Variants in PARP8 observed in about 807,000 individuals in gnomAD.
PARP8 encodes the protein poly(ADP-ribose) polymerase family member 8, also known as protein mono-ADP-ribosyltransferase PARP8.
A neutral mutation model predicts 124.1 loss-of-function variants in PARP8; 51 were observed. The ratio of observed to expected loss-of-function variants is 0.41; its 90% CI spans 0.33 to 0.52. The LOEUF is 0.52. PARP8 is among the 20% of genes least tolerant of loss of function. The probability of loss-of-function intolerance (pLI) is 0.21; values close to 1 mark genes in which losing one functional copy is unlikely to be tolerated. For missense variants in PARP8, 860 were observed against 1,018.9 expected, an observed-to-expected ratio of 0.84 and a Z score of 2.12; for synonymous variants, 391 against 361.5, an observed-to-expected ratio of 1.08 and a Z score of -0.93.
intron 24 of PARP8, 75 bp downstream of exon 24, chr5:50,834,123 C>T: frequency 8.2e-7 from 1 of 1,213,140 alleles, no homozygotes; most frequent in Non-Finnish European, 1.2e-6. Flanking sequence ...AGTATATTTA[C>T]AGAGTGCTTA....
intron 7 of PARP8, among the ~76,000 whole-genome samples, chr5:50,765,278 G>A (rs919591386): frequency 1.4e-4 from 21 of 151,792 alleles, no homozygotes; most frequent in African/African-American, 5.1e-4. Flanking sequence ...AAAAAAGAAA[G>A]AAATATTTTT....
intron 2 of PARP8, among the ~76,000 whole-genome samples, chr5:50,715,976 C>A (rs1334822410): frequency 1.3e-5 from 2 of 151,988 alleles, no homozygotes; most frequent in Non-Finnish European, 2.9e-5. Context: ...TCTTTAACTC[C>A]CACTTGGACA....
In PARP8 at chr5:50,832,969, CTTA is replaced by C. The variant is rs2149720058; in HGVS notation, c.2307+117_2307+119del. 3 of 847,748 alleles carry C rather than the reference CTTA, an allele frequency of 3.5e-6. No homozygotes were observed. The South Asian group carries it at 4.9e-5, about 14-fold the overall frequency. 52.5% of individuals were successfully genotyped at this position (847,748 alleles called of 1,614,324 possible). On this transcript the variant is annotated intron_variant, in intron 23 of 25. Coordinates refer to ENST00000281631, the MANE Select transcript of PARP8 (RefSeq NM_024615.4). ...GAAAAATTATTTAATGTGGTCATTA[CTTA>C]TAAAGGAATAAAACTCACTCTGAAA...
Position 50,750,327 on chromosome 5 carries a change from TC to T in PARP8, c.184+140del, listed in dbSNP as rs1281738114. The T allele has an allele frequency of 8.9e-6, 6 of 675,426 alleles. No homozygotes were observed. The South Asian group carries it at 1.1e-4, about 12-fold the overall frequency. 41.8% of individuals were successfully genotyped at this position (675,426 alleles called of 1,614,324 possible). On this transcript the variant is annotated intron_variant, in intron 3 of 25. Transcript: ENST00000281631. ...GGAAGCCTTAAAGCTATAGAAGAAT[TC>T]TGCTTACTGCCTGCAAAGTACATGT... is the stretch of plus-strand genomic sequence containing the variant.
chr5:50,675,585 G>A (rs1304823189), intron 2 of PARP8, among the ~76,000 whole-genome samples: 1 of 152,188 alleles, frequency 6.6e-6, no homozygotes, highest in East Asian at 1.9e-4. Flanking sequence ...TTGGGATTAC[G>A]GGCGTGAGCC....
intron 22 of PARP8, 45 bp downstream of exon 22, chr5:50,830,006 A>C (rs1411326284): frequency 1.3e-6 from 2 of 1,589,630 alleles, no homozygotes; most frequent in Non-Finnish European, 1.7e-6. Flanking sequence ...ATTAGGTTTT[A>C]ATTTTCTTAT....
In PARP8 at chr5:50,666,975, T is replaced by C; in HGVS notation, c.-121T>C. 1 of 1,398,386 alleles carries C rather than the reference T, an allele frequency of 7.2e-7. No homozygotes were observed. The highest frequency in any genetic ancestry group is 9.4e-7 in the Non-Finnish European group (1 of 1,060,214). 86.6% of individuals were successfully genotyped at this position (1,398,386 alleles called of 1,614,324 possible). On this transcript the variant is annotated 5_prime_UTR_variant, in exon 1 of 26. Coordinates refer to ENST00000281631, the MANE Select transcript of PARP8 (RefSeq NM_024615.4). ...GGATCACTTCCGAAACCACTTCGCC[T>C]TCAGCCCCTGCCTCGGCCAGAGGTT...
At chr5:50,795,472 T>G in intron 12 of PARP8, 55 bp downstream of exon 12, 1 of 1,286,354 alleles carries the variant, frequency 7.8e-7, no homozygotes, top group Non-Finnish European at 1.0e-6. Context: ...TGCAGTAGAA[T>G]TTTTTTTTTC....
At chr5:50,765,000 G>A (rs1760918872) in intron 7 of PARP8, among the ~76,000 whole-genome samples, 1 of 151,678 alleles carries the variant, frequency 6.6e-6, no homozygotes, top group Non-Finnish European at 1.5e-5. Context: ...GGTGGCTCAT[G>A]CCTGTAATCC....
At chr5:50,723,675 T>A (rs566390551) in intron 2 of PARP8, among the ~76,000 whole-genome samples, 1 of 152,134 alleles carries the variant, frequency 6.6e-6, no homozygotes, top group East Asian at 1.9e-4. Flanking sequence ...AGAAAGAACA[T>A]CAAAAGACAA....
At chr5:50,777,029 G>A (rs1740109209) in intron 7 of PARP8, among the ~76,000 whole-genome samples, 1 of 152,132 alleles carries the variant, frequency 6.6e-6, no homozygotes, top group Non-Finnish European at 1.5e-5. Flanking sequence ...GCTGTGATGA[G>A]GACCTAATGA....
chr5:50,706,352 T>A (rs1220330435), intron 2 of PARP8, among the ~76,000 whole-genome samples: 1 of 152,096 alleles, frequency 6.6e-6, no homozygotes, highest in Non-Finnish European at 1.5e-5. Context: ...GTTTTTCAGA[T>A]GGCTGGTTTT....
In PARP8 at chr5:50,761,810, A is replaced by G; in HGVS notation, c.346-11A>G. 1 of 1,524,760 alleles carries G rather than the reference A, an allele frequency of 6.6e-7. No individual in the cohort carries two copies. The highest frequency in any genetic ancestry group is 2.0e-5 in the Admixed American group (1 of 50,590). The allele number at this position is 1,524,760 out of a possible 1,614,324, so 94.5% of individuals were successfully genotyped here. On this transcript the variant is annotated splice_polypyrimidine_tract_variant and intron_variant, in intron 5 of 25. Coordinates refer to ENST00000281631, the MANE Select transcript of PARP8 (RefSeq NM_024615.4). Reference sequence around the variant, plus strand: ...GACCATTAAATTGTTTTCTTACTTTATTATTTTAAGGAATCAAGACAGAAT... The same window carrying G: ...GACCATTAAATTGTTTTCTTACTTTGTTATTTTAAGGAATCAAGACAGAAT...
chr5:50,790,684 T>A (rs1240870974), intron 10 of PARP8, among the ~76,000 whole-genome samples: 5 of 152,158 alleles, frequency 3.3e-5, no homozygotes, highest in Non-Finnish European at 7.4e-5. Flanking sequence ...GCAAAAGAAA[T>A]CATGTATATA....
At chr5:50,764,744 A>G in intron 7 of PARP8, among the ~76,000 whole-genome samples, 1 of 152,112 alleles carries the variant, frequency 6.6e-6, no homozygotes, top group East Asian at 1.9e-4. Flanking sequence ...TAAGTGTTAT[A>G]GAATGCATAT....
Position 50,844,309 on chromosome 5 carries a change from T to TC in PARP8, c.*2242dup, listed in dbSNP as rs1244115323. On this transcript the variant is annotated 3_prime_UTR_variant, in exon 26 of 26. Coordinates refer to ENST00000281631, the MANE Select transcript of PARP8 (RefSeq NM_024615.4). The stretch of plus-strand genomic sequence containing the variant: ...ACAGATTTTGTTTCAAACAATTGCG[T>TC]CAGAACCTTTGTAAGCAAATATTCT... The TC allele has an allele frequency of 6.6e-6, 1 of 151,848 alleles. No individual in the cohort carries two copies. Among genetic ancestry groups the TC allele is most frequent in the Non-Finnish European group, 1.5e-5 (1 of 67,828 alleles). 9.4% of individuals were successfully genotyped at this position (151,848 alleles called of 1,614,324 possible).
intron 2 of PARP8, among the ~76,000 whole-genome samples, chr5:50,680,421 T>C (rs1011013092): frequency 3.3e-5 from 5 of 152,314 alleles, no homozygotes; most frequent in Admixed American, 3.3e-4. Flanking sequence ...CTGTTTACTG[T>C]CTATTTGTCT....
At chr5:50,761,493 A>T (rs1258512425) in intron 5 of PARP8, among the ~76,000 whole-genome samples, 1 of 152,074 alleles carries the variant, frequency 6.6e-6, no homozygotes, top group Non-Finnish European at 1.5e-5. Context: ...AATAAAATTG[A>T]ATTAGTATAA....
intron 5 of PARP8, among the ~76,000 whole-genome samples, chr5:50,761,386 A>G (rs1760525596): frequency 6.6e-6 from 1 of 152,132 alleles, no homozygotes; most frequent in Non-Finnish European, 1.5e-5. Context: ...TTGATTATAT[A>G]TTATTGCATT....
Sources: gnomAD v4.1 joint callset for allele counts (sites outside exome capture counted in the v4.1 genomes callset) on GRCh38, gnomAD v4.1.1 for gene constraint, MANE v1.5 for transcripts, NCBI Gene and HGNC (gene_info 2026-07-23, HGNC 2026-07-21) for gene names.